The following LUZP2 variants were observed in gnomAD, a reference collection of about 807,000 sequenced individuals.
The protein encoded by LUZP2 is leucine zipper protein 2.
Under a neutral mutation model 51.6 loss-of-function variants are expected in LUZP2, and 52 were observed. That is an observed-to-expected ratio of 1.01 (90% CI 0.81 to 1.27). The LOEUF (loss-of-function observed/expected upper bound fraction) is 1.27, where lower values mean the gene tolerates loss of function less well. Ranked by LOEUF, LUZP2 falls within the 50% of genes most tolerant of loss-of-function variation. The pLI, the probability that LUZP2 is intolerant of heterozygous loss-of-function variation, is 0.00. For missense variants in LUZP2, 436 were observed against 395.4 expected, an observed-to-expected ratio of 1.10 and a Z score of -0.87; for synonymous variants, 154 against 137.3, an observed-to-expected ratio of 1.12 and a Z score of -0.85.
intron 7 of LUZP2, among the ~76,000 whole-genome samples, chr11:24,949,370 A>G (rs1245855823): frequency 6.6e-6 from 1 of 151,398 alleles, no homozygotes; most frequent in Non-Finnish European, 1.5e-5. Context: ...TTAGACCTAA[A>G]TGATTTCTAT....
chr11:24,700,619 G>T (rs888941555), intron 1 of LUZP2, among the ~76,000 whole-genome samples: 1 of 151,714 alleles, frequency 6.6e-6, no homozygotes, highest in Non-Finnish European at 1.5e-5. Context: ...ACTTAAAATT[G>T]GTGCTAAATA....
At chr11:24,784,181 C>T (rs1564887344) in intron 5 of LUZP2, among the ~76,000 whole-genome samples, 1 of 151,850 alleles carries the variant, frequency 6.6e-6, no homozygotes, top group Non-Finnish European at 1.5e-5. Context: ...CAGAGGCAAA[C>T]ATTTTAAGAG....
intron 7 of LUZP2, among the ~76,000 whole-genome samples, chr11:24,967,248 G>T (rs908744732): frequency 6.6e-6 from 1 of 151,810 alleles, no homozygotes; most frequent in African/African-American, 2.4e-5. Flanking sequence ...ATTACAGTCT[G>T]TTTGTATTTT....
intron 5 of LUZP2, among the ~76,000 whole-genome samples, chr11:24,834,897 A>G (rs1850814550): frequency 1.3e-5 from 2 of 152,146 alleles, no homozygotes; most frequent in South Asian, 2.1e-4. Flanking sequence ...TCTTCTTTTG[A>G]GAAGTGTCTT....
intron 1 of LUZP2, among the ~76,000 whole-genome samples, chr11:24,709,743 A>G (rs1183606857): frequency 6.6e-6 from 1 of 152,152 alleles, no homozygotes; most frequent in Non-Finnish European, 1.5e-5. Flanking sequence ...TTGCACCTTT[A>G]TTCTTTCTGC....
chr11:24,556,315 A>G (rs1188721863), intron 1 of LUZP2, among the ~76,000 whole-genome samples: 2 of 152,164 alleles, frequency 1.3e-5, no homozygotes, highest in Non-Finnish European at 2.9e-5. Flanking sequence ...ATACTCTTCT[A>G]TTTAACAACT....
At chr11:24,735,337 T>C (rs1371829374) in intron 3 of LUZP2, among the ~76,000 whole-genome samples, 1 of 151,804 alleles carries the variant, frequency 6.6e-6, no homozygotes, top group African/African-American at 2.4e-5. Flanking sequence ...AACCATACCA[T>C]GCCAGGACTG....
Position 24,970,031 on chromosome 11 carries a change from C to T in LUZP2, c.523-6560C>T, listed in dbSNP as rs140709365. Among the ~76,000 whole-genome samples the T allele has an allele frequency of 2.8e-3, 420 of 152,170 alleles. 2 individuals carry two copies. Among genetic ancestry groups the T allele is most frequent in the African/African-American group, 9.2e-3 (382 of 41,528 alleles). On this transcript the variant is annotated intron_variant, in intron 7 of 11. Coordinates refer to ENST00000336930, the MANE Select transcript of LUZP2 (RefSeq NM_001009909.4). The stretch of plus-strand genomic sequence containing the variant: ...TCTTAGAGCCTTAAAAATGGTTTAC[C>T]GAGCTGAATTATAAAATCTGTTAGA...
chr11:24,995,660 T>A (rs112567562), intron 9 of LUZP2, among the ~76,000 whole-genome samples: 3,228 of 152,244 alleles, frequency 0.021, 48 homozygotes, highest in Non-Finnish European at 0.037. Context: ...CTAGCTGGCA[T>A]AGCTCAGATA....
intron 10 of LUZP2, among the ~76,000 whole-genome samples, chr11:25,061,931 T>G (rs987394730): frequency 3.3e-5 from 5 of 152,262 alleles, no homozygotes; most frequent in African/African-American, 1.2e-4. Flanking sequence ...TTAGGCACTT[T>G]TCAAATTTAA....
At chr11:24,777,214 T>C (rs778680468) in intron 5 of LUZP2, among the ~76,000 whole-genome samples, 5 of 151,916 alleles carry the variant, frequency 3.3e-5, no homozygotes, top group African/African-American at 4.8e-5. Context: ...AGGATGGTCT[T>C]GATCTTCTGA....
chr11:24,713,854 A>ATTTTTTTT (rs11357002), intron 1 of LUZP2, among the ~76,000 whole-genome samples: 1 of 57,452 alleles, frequency 1.7e-5, no homozygotes, highest in African/African-American at 6.8e-5. Context: ...ATGCCTGGCC[A>ATTTTTTTT]TTTTTTTTTT....
At chr11:24,833,833 G>A (rs1382625036) in intron 5 of LUZP2, among the ~76,000 whole-genome samples, 2 of 108,550 alleles carry the variant, frequency 1.8e-5, no homozygotes, top group Non-Finnish European at 3.9e-5. Context: ...ATTTAGATAA[G>A]TATAAATTGA....
At chr11:24,528,380 C>T (rs1262332782) in intron 1 of LUZP2, among the ~76,000 whole-genome samples, 1 of 151,226 alleles carries the variant, frequency 6.6e-6, no homozygotes, top group Non-Finnish European at 1.5e-5. Context: ...CCAAATTAGT[C>T]ACCAAAGAAC....
intron 5 of LUZP2, among the ~76,000 whole-genome samples, chr11:24,841,393 C>T (rs914226929): frequency 5.9e-5 from 9 of 152,002 alleles, no homozygotes; most frequent in South Asian, 4.1e-4. Context: ...TTGTTGCTTA[C>T]GCCACCTGGT....
intron 3 of LUZP2, among the ~76,000 whole-genome samples, chr11:24,733,571 T>A (rs2133974778): frequency 6.6e-6 from 1 of 151,668 alleles, no homozygotes; most frequent in African/African-American, 2.4e-5. Flanking sequence ...CTAAAAAAGT[T>A]GATATAAAAG....
chr11:25,028,078 G>A (rs912419154), intron 9 of LUZP2, among the ~76,000 whole-genome samples: 1 of 151,834 alleles, frequency 6.6e-6, no homozygotes, highest in Non-Finnish European at 1.5e-5. Context: ...TTTAATTTGG[G>A]GGTACTAGTA....
chr11:24,982,704 A>C (rs1421411792), intron 8 of LUZP2, among the ~76,000 whole-genome samples: 1 of 151,788 alleles, frequency 6.6e-6, no homozygotes, highest in Non-Finnish European at 1.5e-5. Context: ...CTGTACAACA[A>C]ACCCTCATGA....
intron 1 of LUZP2, among the ~76,000 whole-genome samples, chr11:24,707,009 AAAG>A (rs200091192): frequency 0.47 from 58,733 of 124,694 alleles, 11,504 homozygotes; most frequent in East Asian, 0.78. Context: ...TAAAAAAAAA[AAAG>A]AAAAGAAAGG....
Sources: allele counts gnomAD v4.1 joint callset (sites outside exome capture counted in the v4.1 genomes callset), GRCh38; gene constraint gnomAD v4.1.1; transcripts MANE v1.5; gene names NCBI Gene and HGNC (gene_info 2026-07-23, HGNC 2026-07-21).